Variants in KIF6 observed in about 807,000 individuals in gnomAD.
The protein encoded by KIF6 is kinesin family member 6, also known as kinesin-like protein KIF6.
A neutral mutation model predicts 112.7 loss-of-function variants in KIF6; 106 were observed. That is an observed-to-expected ratio of 0.94 (90% CI 0.80 to 1.11). The LOEUF is 1.11. KIF6 is among the 50% of genes least tolerant of loss of function. The pLI is 0.00. For missense variants in KIF6, 929 were observed against 964.0 expected (o/e 0.96, Z 0.48); for synonymous variants, 339 against 339.9 (o/e 1.00, Z 0.03).
intron 14 of KIF6, among the ~76,000 whole-genome samples, chr6:39,421,371 T>G (rs1770349034): frequency 6.6e-6 from 1 of 152,244 alleles, no homozygotes; most frequent in African/African-American, 2.4e-5. Flanking sequence ...TGTCCAGTTT[T>G]ATTTCAACTA....
intron 13 of KIF6, among the ~76,000 whole-genome samples, chr6:39,514,774 TC>T (rs58708984): frequency 2.7e-5 from 4 of 150,400 alleles, no homozygotes; most frequent in Non-Finnish European, 4.5e-5. Flanking sequence ...AGGCTTTTTT[TC>T]CCCCCCGGGG....
At chr6:39,667,294 G>A (rs1482389117) in intron 3 of KIF6, among the ~76,000 whole-genome samples, 1 of 152,000 alleles carries the variant, frequency 6.6e-6, no homozygotes, top group South Asian at 2.1e-4. Context: ...TGGGAGGGGT[G>A]GGGATGAAGT....
chr6:39,565,119 CT>C (rs11299589), intron 10 of KIF6, among the ~76,000 whole-genome samples: 39,220 of 152,038 alleles, frequency 0.26, 6,372 homozygotes, highest in African/African-American at 0.44. Context: ...CGTAGGCTTG[CT>C]TTGACATTGC....
intron 16 of KIF6, among the ~76,000 whole-genome samples, chr6:39,365,487 A>G (rs1394166261): frequency 6.6e-6 from 1 of 152,136 alleles, no homozygotes; most frequent in Non-Finnish European, 1.5e-5. Flanking sequence ...TTCAGACTCC[A>G]TGAGTCACTC....
At chr6:39,684,082 T>C (rs1450198857) in intron 3 of KIF6, among the ~76,000 whole-genome samples, 1 of 152,218 alleles carries the variant, frequency 6.6e-6, no homozygotes, top group African/African-American at 2.4e-5. Flanking sequence ...GCCTGGATTG[T>C]GTTTCCACTG....
intron 6 of KIF6, among the ~76,000 whole-genome samples, chr6:39,596,480 T>A (rs1308390010): frequency 6.6e-6 from 1 of 152,148 alleles, no homozygotes; most frequent in Non-Finnish European, 1.5e-5. Context: ...ATTCAGAAAG[T>A]GAGAAAAGAG....
At chr6:39,443,535 CCAGGGT>C (rs1334476139) in intron 13 of KIF6, among the ~76,000 whole-genome samples, 4 of 151,778 alleles carry the variant, frequency 2.6e-5, no homozygotes, top group African/African-American at 9.7e-5. Context: ...CCTTTGCTTC[CCAGGGT>C]CAAGCAATTC....
chr6:39,675,091 G>A (rs303675), intron 3 of KIF6, among the ~76,000 whole-genome samples: 130,441 of 151,914 alleles, frequency 0.86, 56,445 homozygotes, highest in East Asian at 0.97. Flanking sequence ...GCATAAATTT[G>A]CAAAAATGTA....
intron 3 of KIF6, among the ~76,000 whole-genome samples, chr6:39,697,386 C>T (rs1788606019): frequency 6.6e-6 from 1 of 152,054 alleles, no homozygotes; most frequent in Admixed American, 6.6e-5. Context: ...TTGGTGCTGT[C>T]GGCCACATGG....
chr6:39,500,315 A>G (rs988622363), intron 13 of KIF6, among the ~76,000 whole-genome samples: 1 of 152,216 alleles, frequency 6.6e-6, no homozygotes, highest in Non-Finnish European at 1.5e-5. Context: ...TACACTTCAC[A>G]TCGGGAAAAG....
intron 3 of KIF6, among the ~76,000 whole-genome samples, chr6:39,692,072 G>T (rs918319799): frequency 6.6e-6 from 1 of 152,162 alleles, no homozygotes; most frequent in Admixed American, 6.5e-5. Flanking sequence ...TCACCTGAAC[G>T]TGGGAGGCGG....
At chr6:39,503,858 A>G (rs972426935) in intron 13 of KIF6, among the ~76,000 whole-genome samples, 89 of 150,698 alleles carry the variant, frequency 5.9e-4, no homozygotes, top group South Asian at 1.2e-3. Context: ...AGAAAAAAAA[A>G]AAAAAAGAAA....
chr6:39,590,750 C>G (rs112880547), intron 7 of KIF6, among the ~76,000 whole-genome samples: 3,285 of 152,066 alleles, frequency 0.022, 59 homozygotes, highest in Non-Finnish European at 0.032. Flanking sequence ...CATGCCCAAC[C>G]CCTGTTGATA....
intron 15 of KIF6, among the ~76,000 whole-genome samples, chr6:39,389,692 G>C (rs976678731): frequency 1.3e-5 from 2 of 152,174 alleles, no homozygotes; most frequent in African/African-American, 4.8e-5. Flanking sequence ...AGTTGGACTT[G>C]AGATGAAGCA....
chr6:39,667,035 TCTC>T (rs752224094), intron 3 of KIF6, among the ~76,000 whole-genome samples: 2 of 152,176 alleles, frequency 1.3e-5, no homozygotes, highest in Non-Finnish European at 2.9e-5. Context: ...GTTTCACAGA[TCTC>T]TTTCACTGTG....
At chr6:39,722,996 C>T (rs1790313204) in intron 1 of KIF6, among the ~76,000 whole-genome samples, 2 of 152,192 alleles carry the variant, frequency 1.3e-5, no homozygotes, top group Non-Finnish European at 2.9e-5. Flanking sequence ...TGAGCCCCAC[C>T]CCTACCCATC....
chr6:39,522,177 C>G lies in KIF6; in HGVS notation c.1645+17826G>C, dbSNP rs539809504. 2.6e-5 allele frequency among the ~76,000 whole-genome samples: 4 copies of G among 152,326 alleles called. No individual in the cohort carries two copies. The East Asian group carries it at 5.8e-4, about 22-fold the overall frequency. On this transcript the variant is annotated intron_variant, in intron 13 of 22. Coordinates refer to ENST00000287152, the MANE Select transcript of KIF6 (RefSeq NM_145027.6). ...CCCTATCAAGGGGAGGATGTTTATT[C>G]TCCCACAATGTAAATATCAGAGGGG...
Position 39,386,934 on chromosome 6 carries a change from A to G in KIF6, c.1811-1262T>C, listed in dbSNP as rs1324142006. Among the ~76,000 whole-genome samples the G allele has an allele frequency of 2.0e-5, 3 of 152,232 alleles. 1 individual carries two copies. The highest frequency in any genetic ancestry group is 1.5e-5 in the Non-Finnish European group (1 of 68,046). On this transcript the variant is annotated intron_variant, in intron 15 of 22. Coordinates refer to ENST00000287152, the MANE Select transcript of KIF6 (RefSeq NM_145027.6). ...TTGTTTAAGATATTTCTTTCCTCACATAAGTACATTCTATACCTCCAAGGC... is the reference window on the plus strand; with the variant it reads ...TTGTTTAAGATATTTCTTTCCTCACGTAAGTACATTCTATACCTCCAAGGC...
At chr6:39,365,058 T>TG (rs1765453872) in intron 16 of KIF6, among the ~76,000 whole-genome samples, 1 of 152,240 alleles carries the variant, frequency 6.6e-6, no homozygotes, top group African/African-American at 2.4e-5. Context: ...ATTGGCAGCC[T>TG]AGTCTGCTGA....
Sources: allele counts gnomAD v4.1 joint callset (sites outside exome capture counted in the v4.1 genomes callset), GRCh38; gene constraint gnomAD v4.1.1; transcripts MANE v1.5; gene names NCBI Gene and HGNC (gene_info 2026-07-23, HGNC 2026-07-21).